BCL2L13: variants seen among roughly 807,000 people sequenced by gnomAD.
BCL2L13 encodes bcl-2-like protein 13.
BCL2L13 carries 13 observed loss-of-function variants against 25.8 expected under a neutral mutation model. The ratio of observed to expected loss-of-function variants is 0.50; its 90% CI spans 0.33 to 0.80. BCL2L13 has a LOEUF of 0.80. Among genes scored for constraint, BCL2L13 ranks in the 30% least tolerant of loss-of-function variants. The probability of loss-of-function intolerance (pLI) is 0.02; values close to 1 mark genes in which losing one functional copy is unlikely to be tolerated. For missense variants in BCL2L13, 504 were observed against 574.9 expected (o/e 0.88, Z 1.26); for synonymous variants, 244 against 230.3 (o/e 1.06, Z -0.54).
intron 4 of BCL2L13, chr22:17,695,889 CAAA>C: frequency 3.0e-6 from 1 of 330,278 alleles, no homozygotes. Flanking sequence ...CAAGCAGTTA[CAAA>C]AAAATTACTA....
chr22:17,656,205 G>A (rs1328735939), intron 2 of BCL2L13, among the ~76,000 whole-genome samples: 6 of 145,130 alleles, frequency 4.1e-5, no homozygotes, highest in Non-Finnish European at 6.0e-5. Flanking sequence ...GCACCACTGC[G>A]CTCCAGCTTG....
At chr22:17,635,270 G>A (rs2058086450), upstream of BCL2L13, among the ~76,000 whole-genome samples, 1 of 151,996 alleles carries the variant, frequency 6.6e-6, no homozygotes, top group African/African-American at 2.4e-5. Context: ...GGGTGTGGTA[G>A]CTCACACCTG....
At chr22:17,717,255 G>A (rs1484994886) in intron 6 of BCL2L13, among the ~76,000 whole-genome samples, 2 of 151,940 alleles carry the variant, frequency 1.3e-5, no homozygotes, top group African/African-American at 2.4e-5. Flanking sequence ...ATCACTTGAG[G>A]TCAGGAGTTC....
intron 2 of BCL2L13, among the ~76,000 whole-genome samples, chr22:17,656,262 A>G (rs1210424520): frequency 6.6e-6 from 1 of 151,222 alleles, no homozygotes; most frequent in East Asian, 1.9e-4. Context: ...ATATACACAA[A>G]AAAGAATAAC....
At chr22:17,686,786 G>A (rs1363476402) in intron 3 of BCL2L13, among the ~76,000 whole-genome samples, 2 of 151,996 alleles carry the variant, frequency 1.3e-5, no homozygotes, top group Non-Finnish European at 1.5e-5. Context: ...TGGGATTACC[G>A]GTGTGAAACA....
chr22:17,726,391 A>G (rs1447481184), intron 6 of BCL2L13, among the ~76,000 whole-genome samples: 1 of 151,506 alleles, frequency 6.6e-6, no homozygotes, highest in Middle Eastern at 3.2e-3. Context: ...GGATCATTTC[A>G]GATTTCAGGT....
intron 1 of BCL2L13, among the ~76,000 whole-genome samples, chr22:17,639,145 G>C (rs535968800): frequency 6.6e-6 from 1 of 152,348 alleles, no homozygotes; most frequent in Admixed American, 6.5e-5. Context: ...TGCCGGAGGC[G>C]GAGGAGCTCG....
At chr22:17,682,145 C>G (rs2059775231) in intron 2 of BCL2L13, among the ~76,000 whole-genome samples, 1 of 151,800 alleles carries the variant, frequency 6.6e-6, no homozygotes, top group Non-Finnish European at 1.5e-5. Flanking sequence ...TTAGTACTTG[C>G]AAAGATATAT....
rs10684670 is a variant in BCL2L13 at position 17,646,716 on chromosome 22, C to CTTTTTTTT, written c.-51+7844_-51+7851dup. Among the ~76,000 whole-genome samples the CTTTTTTTT allele has an allele frequency of 2.6e-4, 23 of 89,190 alleles. 1 individual carries two copies. Among genetic ancestry groups the CTTTTTTTT allele is most frequent in the African/African-American group, 4.2e-4 (9 of 21,202 alleles). 58.5% of individuals were successfully genotyped at this position (89,190 alleles called of 152,430 possible). On this transcript the variant is annotated intron_variant, in intron 1 of 6. Transcript: ENST00000317582. Reference sequence around the variant, plus strand: ...TTGAAAAGAATCTTGAAATATCTGTCTTTTTTTTTTTTTTTTTTTTTGAGA... The same window carrying CTTTTTTTT: ...TTGAAAAGAATCTTGAAATATCTGTCTTTTTTTTTTTTTTTTTTTTTTTTTTTTTGAGA...
chr22:17,657,587 C>T (rs2058917241), intron 2 of BCL2L13, among the ~76,000 whole-genome samples: 1 of 152,002 alleles, frequency 6.6e-6, no homozygotes, highest in Non-Finnish European at 1.5e-5. Context: ...ATCTCGGCTA[C>T]TGCAACCTCC....
rs1220006614 is a variant in BCL2L13, at chr22:17,727,886, C to T, written c.*352C>T. ...TCCACCCACTAGATGCCAGTGGCAC[C>T]CCCTCCCAGAGATGACAAACGAAAA... On this transcript the variant is annotated 3_prime_UTR_variant, in exon 7 of 7. Transcript: ENST00000317582. 1 of 277,544 alleles carries T rather than the reference C, an allele frequency of 3.6e-6. No homozygotes were observed. Among genetic ancestry groups the T allele is most frequent in the African/African-American group, 2.1e-5 (1 of 47,422 alleles). The allele number at this position is 277,544 out of a possible 1,614,324, so 17.2% of individuals were successfully genotyped here.
At chr22:17,706,825 G>A in intron 6 of BCL2L13, 1 of 1,351,934 alleles carries the variant, frequency 7.4e-7, no homozygotes, top group South Asian at 1.1e-5. Flanking sequence ...AGTCCACTGT[G>A]GTAAGGCTTG....
intron 1 of BCL2L13, among the ~76,000 whole-genome samples, chr22:17,649,248 C>A (rs1228236948): frequency 6.6e-6 from 1 of 152,130 alleles, no homozygotes; most frequent in Non-Finnish European, 1.5e-5. Flanking sequence ...TAGGCGCACG[C>A]CACCATGCCT....
intron 4 of BCL2L13, among the ~76,000 whole-genome samples, chr22:17,693,211 G>A (rs1212397336): frequency 6.6e-6 from 1 of 151,284 alleles, no homozygotes; most frequent in African/African-American, 2.4e-5. Flanking sequence ...ATAAATATAT[G>A]AAATATTAAA....
chr22:17,727,475 G>A lies in BCL2L13; in HGVS notation c.1399G>A (p.Ala467Thr), dbSNP rs764780025. The change falls in exon 7 of 7, where the codon GCT becomes ACT. Residue 467 changes from alanine (A) to threonine (T), a missense_variant. Ala to Thr is a moderately conservative substitution (Grantham distance 58). Transcript: ENST00000317582. ...GKSILLFGGA[A>T]AVAILAVAIG... is the part of the protein sequence containing the mutation. The stretch of plus-strand genomic sequence containing the variant: ...GTCTATACTGCTGTTTGGAGGGGCT[G>A]CTGCTGTTGCCATCCTGGCAGTGGC... 1.9e-5 allele frequency: 30 copies of A among 1,614,156 alleles called. No individual in the cohort carries two copies. The highest frequency in any genetic ancestry group is 2.7e-5 in the African/African-American group (2 of 74,946).
At chr22:17,659,103 C>T (rs1318473066) in intron 2 of BCL2L13, among the ~76,000 whole-genome samples, 5 of 140,778 alleles carry the variant, frequency 3.6e-5, no homozygotes, top group African/African-American at 1.0e-4. Context: ...CGGTGGCTCA[C>T]GCCTGTAATC....
chr22:17,670,281 T>A (rs1232977080), intron 2 of BCL2L13, among the ~76,000 whole-genome samples: 1 of 152,160 alleles, frequency 6.6e-6, no homozygotes, highest in African/African-American at 2.4e-5. Flanking sequence ...TAGGATTGGC[T>A]TGTCTATTTC....
intron 1 of BCL2L13, among the ~76,000 whole-genome samples, chr22:17,652,077 C>T (rs1471232973): frequency 6.6e-6 from 1 of 152,184 alleles, no homozygotes; most frequent in Non-Finnish European, 1.5e-5. Context: ...AGATGCTCCT[C>T]AACTTATGGT....
In BCL2L13 at chr22:17,726,997, T is replaced by G; in HGVS notation, c.921T>G (p.Ile307Met). 1 of 1,614,140 alleles carries G rather than the reference T, an allele frequency of 6.2e-7. No individual in the cohort carries two copies. Among genetic ancestry groups the G allele is most frequent in the Non-Finnish European group, 8.5e-7 (1 of 1,180,044 alleles). The change falls in exon 7 of 7, where the codon ATT becomes ATG. Residue 307 changes from isoleucine (I) to methionine (M), a missense_variant. Transcript: ENST00000317582. Reference sequence around the variant, plus strand: ...AGAACAACTCCTCTAATTCTGACATTGTGCACGTGGAGAAAGAAGAGGTGC... The same window carrying G: ...AGAACAACTCCTCTAATTCTGACATGGTGCACGTGGAGAAAGAAGAGGTGC... ...KSENNSSNSD[I>M]VHVEKEEVPE...
Sources: allele counts gnomAD v4.1 joint callset (sites outside exome capture counted in the v4.1 genomes callset), GRCh38; gene constraint gnomAD v4.1.1; transcripts MANE v1.5; gene names NCBI Gene and HGNC (gene_info 2026-07-23, HGNC 2026-07-21).